The following THSD7A variants were observed in gnomAD, a reference collection of about 807,000 sequenced individuals.
The protein encoded by THSD7A is thrombospondin type 1 domain containing 7A.
A neutral mutation model predicts 231.3 loss-of-function variants in THSD7A; 96 were observed. The observed-to-expected ratio is 0.41, with a 90% CI of 0.35 to 0.49. The LOEUF (loss-of-function observed/expected upper bound fraction) is 0.49. Ranked by LOEUF, THSD7A falls within the 20% of genes least tolerant of loss-of-function variation. The pLI, the probability that THSD7A is intolerant of heterozygous loss-of-function variation, is 0.05. For synonymous variants in THSD7A, 940 were observed against 743.3 expected (o/e 1.26, Z -4.30); for missense variants, 2,290 against 2,070.2 (o/e 1.11, Z -2.06).
chr7:11,406,184 T>C lies in THSD7A; in HGVS notation c.4237+116A>G, dbSNP rs1008843088. 5 of 1,057,594 alleles carry C rather than the reference T, an allele frequency of 4.7e-6. No homozygotes were observed. Among genetic ancestry groups the C allele is most frequent in the Non-Finnish European group, 6.8e-6 (5 of 735,810 alleles). 65.5% of individuals were successfully genotyped at this position (1,057,594 alleles called of 1,614,324 possible). On this transcript the variant is annotated intron_variant, in intron 22 of 27. Coordinates refer to ENST00000423059, the MANE Select transcript of THSD7A (RefSeq NM_015204.3). The surrounding 1 kb of genome is among the most constrained non-coding windows in gnomAD (Gnocchi z 4.7). Reference sequence around the variant, plus strand: ...TAGTGTTGAGCTGTTGGCATAGATATTACTGAATAAGAAGACTGTTGACAT... The same window carrying C: ...TAGTGTTGAGCTGTTGGCATAGATACTACTGAATAAGAAGACTGTTGACAT...
chr7:11,715,013 T>C (rs1374757177), intron 1 of THSD7A, among the ~76,000 whole-genome samples: 2 of 151,418 alleles, frequency 1.3e-5, no homozygotes, highest in Non-Finnish European at 3.0e-5. Flanking sequence ...CATGGTTCTC[T>C]CCTTCTTTAT....
At chr7:11,589,396 G>T (rs1388586018) in intron 4 of THSD7A, among the ~76,000 whole-genome samples, 1 of 151,980 alleles carries the variant, frequency 6.6e-6, no homozygotes, top group East Asian at 1.9e-4. Context: ...ACTCCCTCTT[G>T]CACTCTTGCC....
intron 2 of THSD7A, among the ~76,000 whole-genome samples, chr7:11,635,867 A>G (rs1400064009): frequency 6.6e-6 from 1 of 152,116 alleles, no homozygotes; most frequent in East Asian, 1.9e-4. Context: ...GAGAAGAAGC[A>G]GTATCTTTTC....
chr7:11,542,508 T>A (rs1251978525), intron 5 of THSD7A, among the ~76,000 whole-genome samples: 1 of 152,228 alleles, frequency 6.6e-6, no homozygotes, highest in African/African-American at 2.4e-5. Context: ...GCCTTATTAT[T>A]GGGCACTAGG....
At position 11,372,237 on chromosome 7, in the gene THSD7A, A is replaced by AAACCCCATCTAAAAAACAAACAT. The variant is rs1782083093; in HGVS notation, c.*3556_*3557insATGTTTGTTTTTTAGATGGGGTT. On this transcript the variant is annotated 3_prime_UTR_variant, in exon 28 of 28. Coordinates refer to ENST00000423059, the MANE Select transcript of THSD7A (RefSeq NM_015204.3). ...TAACCCCATCTAAAAACAAACCTAG[A>AAACCCCATCTAAAAAACAAACAT]GTAAAAGTCAACATGTTTCAGTGCT... 1 of 152,054 alleles carries AAACCCCATCTAAAAAACAAACAT rather than the reference A, an allele frequency of 6.6e-6. No individual in the cohort carries two copies. The highest frequency in any genetic ancestry group is 2.4e-5 in the African/African-American group (1 of 41,408). The allele number at this position is 152,054 out of a possible 1,614,324, so 9.4% of individuals were successfully genotyped here. A position where few individuals can be genotyped will look rare whatever the true frequency, so the allele number is the denominator to read the frequency against.
chr7:11,710,276 A>G (rs1562494071), intron 1 of THSD7A, among the ~76,000 whole-genome samples: 3 of 150,684 alleles, frequency 2.0e-5, no homozygotes, highest in African/African-American at 4.8e-5. Context: ...CAAGAAAAAA[A>G]AAAAGAAAAG....
intron 1 of THSD7A, among the ~76,000 whole-genome samples, chr7:11,734,245 C>T (rs1033298764): frequency 2.0e-5 from 3 of 151,970 alleles, no homozygotes; most frequent in Non-Finnish European, 2.9e-5. Context: ...AATTTTGCCT[C>T]GCCCCAAACC....
intron 16 of THSD7A, 26 bp downstream of exon 16, chr7:11,424,670 T>C (rs1859226): frequency 0.4 from 637,999 of 1,612,342 alleles, 131,126 homozygotes; most frequent in African/African-American, 0.62. Context: ...TGTCTTGCTT[T>C]TCTGTATAAT....
intron 1 of THSD7A, among the ~76,000 whole-genome samples, chr7:11,728,284 C>T (rs986484949): frequency 1.3e-5 from 2 of 151,952 alleles, no homozygotes; most frequent in Non-Finnish European, 2.9e-5. Context: ...ATTCTGTAGG[C>T]AGGTCAAGAT....
At chr7:11,398,204 C>T (rs1783263893) in intron 23 of THSD7A, among the ~76,000 whole-genome samples, 1 of 128,688 alleles carries the variant, frequency 7.8e-6, no homozygotes, top group Non-Finnish European at 1.7e-5. Context: ...TAGTATGCAG[C>T]CATAAAAAAG....
At position 11,780,345 on chromosome 7, in the gene THSD7A, T is replaced by TA. The variant is rs35121591; in HGVS notation, c.190+51411dup. Among the ~76,000 whole-genome samples the TA allele has an allele frequency of 3.7e-3, 563 of 152,282 alleles. 4 individuals are homozygous for TA. The highest frequency in any genetic ancestry group is 6.7e-3 in the Non-Finnish European group (457 of 68,010). On this transcript the variant is annotated intron_variant, in intron 1 of 27. Coordinates refer to ENST00000423059, the MANE Select transcript of THSD7A (RefSeq NM_015204.3). ...AGGCTGACCTATATAACCAATAGAA[T>TA]ACTGCAGAAATGAAAATGCATGACT...
chr7:11,764,314 G>T (rs1307401825), intron 1 of THSD7A, among the ~76,000 whole-genome samples: 2 of 152,266 alleles, frequency 1.3e-5, no homozygotes, highest in East Asian at 3.9e-4. Flanking sequence ...GGGCATGGTG[G>T]CTCATGCCTG....
intron 2 of THSD7A, among the ~76,000 whole-genome samples, chr7:11,610,824 G>C (rs1780897428): frequency 6.6e-6 from 1 of 152,068 alleles, no homozygotes; most frequent in Admixed American, 6.6e-5. Context: ...CAACTTAATG[G>C]AAAAGTGCCC....
chr7:11,403,076 A>G (rs1345731251), intron 22 of THSD7A, among the ~76,000 whole-genome samples: 1 of 152,210 alleles, frequency 6.6e-6, no homozygotes, highest in Non-Finnish European at 1.5e-5. Flanking sequence ...TAACCCATCC[A>G]TTCTTCAGAG....
chr7:11,581,588 C>A (rs1791168993), intron 4 of THSD7A, among the ~76,000 whole-genome samples: 1 of 152,016 alleles, frequency 6.6e-6, no homozygotes, highest in Non-Finnish European at 1.5e-5. Flanking sequence ...TAGAAGTTGG[C>A]AATTGCTTTC....
chr7:11,383,173 T>A (rs902848402), intron 23 of THSD7A, among the ~76,000 whole-genome samples: 2 of 151,726 alleles, frequency 1.3e-5, no homozygotes, highest in Non-Finnish European at 2.9e-5. Flanking sequence ...TATACAGAAA[T>A]GATATATGGT....
chr7:11,408,459 C>T (rs190961048), intron 19 of THSD7A, among the ~76,000 whole-genome samples: 3 of 150,040 alleles, frequency 2.0e-5, no homozygotes, highest in Admixed American at 2.0e-4. Flanking sequence ...GATGGCACCA[C>T]TGCACTCCAG....
intron 23 of THSD7A, among the ~76,000 whole-genome samples, chr7:11,386,891 G>C (rs111376568): frequency 0.21 from 32,408 of 152,128 alleles, 4,446 homozygotes; most frequent in Non-Finnish European, 0.3. Flanking sequence ...TTCTGTATAA[G>C]GTGTAAGGAA....
intron 1 of THSD7A, among the ~76,000 whole-genome samples, chr7:11,649,501 A>G (rs1415928601): frequency 6.6e-6 from 1 of 152,050 alleles, no homozygotes; most frequent in East Asian, 1.9e-4. Context: ...CCATACCCAA[A>G]AATCTAAAAC....
Sources: allele counts gnomAD v4.1 joint callset (sites outside exome capture counted in the v4.1 genomes callset), GRCh38; gene constraint gnomAD v4.1.1; non-coding constraint Gnocchi (gnomAD v3.1); transcripts MANE v1.5; gene names NCBI Gene and HGNC (gene_info 2026-07-23, HGNC 2026-07-21).